TRMT11: variants seen among roughly 807,000 people sequenced by gnomAD.
TRMT11 encodes tRNA (guanine(10)-N(2))-methyltransferase TRMT11.
A neutral mutation model predicts 62.8 loss-of-function variants in TRMT11; 53 were observed. The observed-to-expected ratio is 0.84, with a 90% CI of 0.68 to 1.06. The LOEUF (loss-of-function observed/expected upper bound fraction) is 1.06, where lower values mean the gene tolerates loss of function less well. TRMT11 is among the 50% of genes least tolerant of loss of function. TRMT11 has a pLI of 0.00. For synonymous variants in TRMT11, 188 were observed against 190.3 expected (o/e 0.99, Z 0.10); for missense variants, 556 against 553.4 (o/e 1.00, Z -0.05).
intron 17 of TRMT11, among the ~76,000 whole-genome samples, chr6:126,107,907 C>T (rs1054634971): frequency 6.6e-6 from 1 of 152,102 alleles, no homozygotes; most frequent in East Asian, 1.9e-4. Flanking sequence ...TTCTCACAAA[C>T]CTTATTAATG....
intron 17 of TRMT11, among the ~76,000 whole-genome samples, chr6:126,106,647 T>C (rs1304136214): frequency 2.0e-5 from 3 of 152,250 alleles, no homozygotes; most frequent in Non-Finnish European, 2.9e-5. Context: ...TGGTGGAATA[T>C]TTTCCTCCTG....
chr6:126,090,045 C>CTGTGTGT (rs1777257102), intron 17 of TRMT11, among the ~76,000 whole-genome samples: 1 of 152,170 alleles, frequency 6.6e-6, no homozygotes, highest in Non-Finnish European at 1.5e-5. Context: ...CTCCCCTTGG[C>CTGTGTGT]CATGTCTGTG....
rs531907865 is a variant in TRMT11, at chr6:126,047,777, T to C, written c.*1370-5346T>C. Among the ~76,000 whole-genome samples, 14 of 151,858 alleles carry C rather than the reference T, an allele frequency of 9.2e-5. No homozygotes were observed. In the South Asian group the frequency reaches 2.7e-3, roughly 29 times the overall value. ...TGCATGCTCCCCTTCCCGTAAGGGGTTTGAGCACACCCCTGTCACAAGTTC... is the reference window on the plus strand; with the variant it reads ...TGCATGCTCCCCTTCCCGTAAGGGGCTTGAGCACACCCCTGTCACAAGTTC... On this transcript the variant is annotated intron_variant and NMD_transcript_variant, in intron 16 of 22. Coordinates refer to the TRMT11 transcript ENST00000648977.
At chr6:126,030,599 C>A (rs1402901266) in intron 12 of TRMT11, among the ~76,000 whole-genome samples, 2 of 152,180 alleles carry the variant, frequency 1.3e-5, no homozygotes, top group Non-Finnish European at 2.9e-5. Flanking sequence ...GAATAAATTT[C>A]ATAAGCCATT....
the TRMT11 span, among the ~76,000 whole-genome samples, chr6:126,243,166 C>G: frequency 1.3e-5 from 2 of 152,110 alleles, no homozygotes; most frequent in Non-Finnish European, 2.9e-5. Context: ...TTTATGCAGC[C>G]AAAAGACACA....
chr6:126,007,918 T>C (rs1156862276), intron 7 of TRMT11, among the ~76,000 whole-genome samples: 1 of 152,076 alleles, frequency 6.6e-6, no homozygotes, highest in Non-Finnish European at 1.5e-5. Flanking sequence ...AACCTTTTAA[T>C]TTCTGTAAGA....
intron 3 of TRMT11, 74 bp from the exon 4 acceptor site, chr6:125,997,979 A>G (rs1307655980): frequency 3.0e-6 from 3 of 1,013,140 alleles, no homozygotes; most frequent in Non-Finnish European, 4.7e-6. Flanking sequence ...ATAAAGAACT[A>G]GTAAAATGAC....
At chr6:125,999,393 G>T in intron 6 of TRMT11, 64 bp from the exon 7 acceptor site, 1 of 1,312,370 alleles carries the variant, frequency 7.6e-7, no homozygotes, top group Non-Finnish European at 1.0e-6. Flanking sequence ...TGGTCTTATT[G>T]TGAGTGATTA....
intron 1 of TRMT11, among the ~76,000 whole-genome samples, chr6:126,187,012 T>G (rs1387204821): frequency 1.3e-5 from 2 of 152,102 alleles, no homozygotes; most frequent in Non-Finnish European, 2.9e-5. Flanking sequence ...AGCTTACAGT[T>G]AATATTTTAT....
At chr6:126,223,736 A>G in the TRMT11 span, among the ~76,000 whole-genome samples, 2 of 152,218 alleles carry the variant, frequency 1.3e-5, no homozygotes, top group Admixed American at 1.3e-4. Flanking sequence ...TTTTACGGAC[A>G]GTATCCTCAA....
At chr6:126,125,247 C>T (rs1236199832) in intron 21 of TRMT11, among the ~76,000 whole-genome samples, 1 of 152,018 alleles carries the variant, frequency 6.6e-6, no homozygotes, top group East Asian at 1.9e-4. Context: ...GGGGTTTGGG[C>T]TCTTTAGTTT....
chr6:126,026,234 C>A (rs943587392), intron 12 of TRMT11, among the ~76,000 whole-genome samples: 19 of 152,222 alleles, frequency 1.2e-4, no homozygotes, highest in African/African-American at 4.3e-4. Flanking sequence ...TCCTATTTTG[C>A]TTAAATAGTA....
At chr6:126,192,640 T>G (rs1274488303) in intron 1 of TRMT11, among the ~76,000 whole-genome samples, 1 of 152,132 alleles carries the variant, frequency 6.6e-6, no homozygotes, top group East Asian at 1.9e-4. Flanking sequence ...TGTCAAAAGT[T>G]TTTATTGTAA....
At chr6:126,048,259 G>A (rs1324710440) in intron 16 of TRMT11, among the ~76,000 whole-genome samples, 1 of 152,214 alleles carries the variant, frequency 6.6e-6, no homozygotes, top group African/African-American at 2.4e-5. Flanking sequence ...TTCAACCTCA[G>A]TGCCAGGTAA....
At chr6:126,124,289 T>G (rs970217676) in intron 21 of TRMT11, among the ~76,000 whole-genome samples, 1 of 152,132 alleles carries the variant, frequency 6.6e-6, no homozygotes, top group Admixed American at 6.6e-5. Flanking sequence ...AATTTTATTC[T>G]ATCTGGCTGG....
chr6:126,118,375 CA>C (rs1320622024), intron 21 of TRMT11, among the ~76,000 whole-genome samples: 2 of 152,066 alleles, frequency 1.3e-5, no homozygotes, highest in African/African-American at 2.4e-5. Context: ...AGAAGAATCA[CA>C]TAAATTCTTT....
downstream of TRMT11, among the ~76,000 whole-genome samples, chr6:126,041,707 A>G (rs901042411): frequency 1.3e-5 from 2 of 152,164 alleles, no homozygotes; most frequent in Non-Finnish European, 2.9e-5. Flanking sequence ...GCAAGGCATA[A>G]ATAAACTCAT....
At chr6:126,147,188 G>T (rs1324665285) in intron 21 of TRMT11, among the ~76,000 whole-genome samples, 1 of 152,212 alleles carries the variant, frequency 6.6e-6, no homozygotes, top group East Asian at 1.9e-4. Context: ...GAAAAAGTAT[G>T]AGTAAGCATA....
At chr6:126,131,698 T>G (rs564468114) in intron 21 of TRMT11, among the ~76,000 whole-genome samples, 1 of 152,138 alleles carries the variant, frequency 6.6e-6, no homozygotes, top group East Asian at 1.9e-4. Context: ...TCAAAAAGCA[T>G]GTAGCAATTT....
Sources: allele counts gnomAD v4.1 joint callset (sites outside exome capture counted in the v4.1 genomes callset), GRCh38; gene constraint gnomAD v4.1.1; transcripts MANE v1.5; gene names NCBI Gene and HGNC (gene_info 2026-07-23, HGNC 2026-07-21).